Variants in ACVR1 observed in about 807,000 individuals in gnomAD.
ACVR1 encodes activin receptor type-1.
ACVR1 carries 38 observed loss-of-function variants against 57.1 expected under a neutral mutation model. That is an observed-to-expected ratio of 0.67 (90% CI 0.51 to 0.87). The LOEUF (loss-of-function observed/expected upper bound fraction) is 0.87, where lower values mean the gene tolerates loss of function less well. Among genes scored for constraint, ACVR1 ranks in the 40% least tolerant of loss-of-function variants. The pLI is 0.00. For missense variants in ACVR1, 463 were observed against 638.2 expected (o/e 0.73, Z 2.96); for synonymous variants, 212 against 228.1 (o/e 0.93, Z 0.63).
intron 1 of ACVR1, among the ~76,000 whole-genome samples, chr2:157,859,731 C>CAAAT (rs1168398238): frequency 6.6e-6 from 1 of 152,158 alleles, no homozygotes; most frequent in Non-Finnish European, 1.5e-5. Flanking sequence ...CACCACTCAC[C>CAAAT]AAATAAGTTC....
intron 2 of ACVR1, among the ~76,000 whole-genome samples, chr2:157,812,710 C>G (rs765638345): frequency 6.6e-5 from 10 of 152,170 alleles, no homozygotes; most frequent in Non-Finnish European, 1.5e-4. Context: ...TAAGTTTGTG[C>G]AATACACTTC....
chr2:157,873,867 C>T (rs1690191384), intron 1 of ACVR1, among the ~76,000 whole-genome samples: 1 of 152,218 alleles, frequency 6.6e-6, no homozygotes, highest in Non-Finnish European at 1.5e-5. Flanking sequence ...AATTAAGTTC[C>T]TCACTTCTGA....
intron 1 of ACVR1, among the ~76,000 whole-genome samples, chr2:157,858,987 T>C (rs1689632946): frequency 6.6e-6 from 1 of 152,166 alleles, no homozygotes; most frequent in Non-Finnish European, 1.5e-5. Flanking sequence ...ATACAGCCTG[T>C]CACCTTACTG....
intron 1 of ACVR1, among the ~76,000 whole-genome samples, chr2:157,866,902 C>G (rs1209601533): frequency 6.6e-6 from 1 of 152,214 alleles, no homozygotes; most frequent in East Asian, 1.9e-4. Flanking sequence ...CTTCCCATTT[C>G]CAAAAGGAAG....
intron 9 of ACVR1, among the ~76,000 whole-genome samples, chr2:157,750,262 G>A (rs528700778): frequency 3.4e-4 from 52 of 152,248 alleles, no homozygotes; most frequent in African/African-American, 1.2e-3. Context: ...GTCTACCACC[G>A]CTGCCATTGC....
intron 1 of ACVR1, among the ~76,000 whole-genome samples, chr2:157,835,458 T>C (rs1412114724): frequency 2.6e-5 from 4 of 152,250 alleles, no homozygotes; most frequent in African/African-American, 7.2e-5. Context: ...GATGCTCTTA[T>C]AACCATAATG....
chr2:157,806,660 G>A (rs1034270266), intron 2 of ACVR1: 2 of 152,172 alleles, frequency 1.3e-5, no homozygotes, highest in African/African-American at 2.4e-5. Context: ...AAACTACCTG[G>A]GCCTTTGGGA....
chr2:157,855,272 GTGTGTGT>G, intron 1 of ACVR1, among the ~76,000 whole-genome samples: 2 of 22,968 alleles, frequency 8.7e-5, no homozygotes, highest in African/African-American at 3.5e-4. Flanking sequence ...AAAAAAAAGT[GTGTGTGT>G]GTGTGTGTGT....
chr2:157,766,255 AT>A, intron 7 of ACVR1, 59 bp from the exon 8 acceptor site: 1 of 1,558,072 alleles, frequency 6.4e-7, no homozygotes, highest in Non-Finnish European at 8.8e-7. Flanking sequence ...AACTTAAAGT[AT>A]TTAGAAATAG....
intron 1 of ACVR1, among the ~76,000 whole-genome samples, chr2:157,853,201 G>C (rs1011546764): frequency 2.6e-5 from 4 of 152,264 alleles, no homozygotes; most frequent in Non-Finnish European, 4.4e-5. Flanking sequence ...TACTCAGGCT[G>C]CCATAATAAA....
At chr2:157,808,195 C>T (rs1687628970) in intron 2 of ACVR1, among the ~76,000 whole-genome samples, 1 of 152,124 alleles carries the variant, frequency 6.6e-6, no homozygotes, top group Non-Finnish European at 1.5e-5. Context: ...TATTGTGTTT[C>T]TCCCTCTTCC....
At chr2:157,771,643 T>TA (rs1686074066) in intron 6 of ACVR1, among the ~76,000 whole-genome samples, 1 of 152,152 alleles carries the variant, frequency 6.6e-6, no homozygotes, top group African/African-American at 2.4e-5. Context: ...GCTGGAACAC[T>TA]AAGTCACTGA....
chr2:157,786,303 C>T (rs1686709638), intron 3 of ACVR1, among the ~76,000 whole-genome samples: 2 of 152,202 alleles, frequency 1.3e-5, no homozygotes, highest in African/African-American at 4.8e-5. Context: ...GCTCACCGTT[C>T]ATTACATACC....
chr2:157,794,290 A>C (rs1399762462), intron 3 of ACVR1, among the ~76,000 whole-genome samples: 1 of 152,210 alleles, frequency 6.6e-6, no homozygotes, highest in Non-Finnish European at 1.5e-5. Flanking sequence ...GCTCTTCTCT[A>C]TGAGAGCAAA....
intron 2 of ACVR1, among the ~76,000 whole-genome samples, chr2:157,814,363 C>G (rs1481345399): frequency 1.3e-5 from 2 of 152,104 alleles, no homozygotes; most frequent in Non-Finnish European, 2.9e-5. Context: ...GGCTTTTAAA[C>G]TTATGAAAAG....
At chr2:157,770,234 T>C (rs891198202) in intron 7 of ACVR1, 134 bp downstream of exon 7, 7 of 928,804 alleles carry the variant, frequency 7.5e-6, no homozygotes, top group East Asian at 2.4e-5. Context: ...TTAAACAGCA[T>C]ATAAATGCTA....
chr2:157,774,628 C>T (rs1280183170), intron 5 of ACVR1, among the ~76,000 whole-genome samples: 4 of 151,996 alleles, frequency 2.6e-5, no homozygotes, highest in African/African-American at 9.7e-5. Context: ...CCTCCCAAAG[C>T]ACTGGGATTA....
intron 1 of ACVR1, among the ~76,000 whole-genome samples, chr2:157,834,130 C>T (rs1212138595): frequency 1.3e-5 from 2 of 152,146 alleles, no homozygotes; most frequent in African/African-American, 4.8e-5. Flanking sequence ...AATCACCTGT[C>T]GCCCAGGCTG....
At chr2:157,840,396 A>T (rs951311382) in intron 1 of ACVR1, among the ~76,000 whole-genome samples, 2 of 152,222 alleles carry the variant, frequency 1.3e-5, no homozygotes, top group African/African-American at 4.8e-5. Flanking sequence ...AATCAACATA[A>T]ATACGCATAT....
Sources: gnomAD v4.1 joint callset for allele counts (sites outside exome capture counted in the v4.1 genomes callset) on GRCh38, gnomAD v4.1.1 for gene constraint, MANE v1.5 for transcripts, NCBI Gene and HGNC (gene_info 2026-07-23, HGNC 2026-07-21) for gene names.